NTRK3: variants seen among roughly 807,000 people sequenced by gnomAD.
The protein encoded by NTRK3 is NT-3 growth factor receptor.
A neutral mutation model predicts 91.7 loss-of-function variants in NTRK3; 24 were observed. The ratio of observed to expected loss-of-function variants is 0.26; its 90% CI spans 0.19 to 0.37. NTRK3 has a LOEUF of 0.37. Among genes scored for constraint, NTRK3 ranks in the 10% least tolerant of loss-of-function variants. The probability of loss-of-function intolerance (pLI) is 1.00; values close to 1 mark genes in which losing one functional copy is unlikely to be tolerated. For missense variants in NTRK3, 880 were observed against 1,068.9 expected, an observed-to-expected ratio of 0.82 and a Z score of 2.46; for synonymous variants, 483 against 404.0, an observed-to-expected ratio of 1.20 and a Z score of -2.34.
chr15:87,975,980 C>T (rs913106990), intron 14 of NTRK3, among the ~76,000 whole-genome samples: 5 of 152,168 alleles, frequency 3.3e-5, no homozygotes, highest in Non-Finnish European at 7.4e-5. Flanking sequence ...GAGGCCAATG[C>T]TATCCCTTCC....
chr15:88,086,840 C>G (rs1389674051), intron 13 of NTRK3, among the ~76,000 whole-genome samples: 1 of 152,168 alleles, frequency 6.6e-6, no homozygotes, highest in Non-Finnish European at 1.5e-5. Context: ...TTTCTCTTCA[C>G]CTGGAAGTAT....
intron 15 of NTRK3, among the ~76,000 whole-genome samples, chr15:87,936,039 A>C (rs2069245666): frequency 6.6e-6 from 1 of 152,204 alleles, no homozygotes; most frequent in African/African-American, 2.4e-5. Flanking sequence ...CAGAGGTGAC[A>C]GGAGGAGAAT....
At chr15:88,217,757 T>C (rs1457579373) in intron 3 of NTRK3, among the ~76,000 whole-genome samples, 1 of 123,774 alleles carries the variant, frequency 8.1e-6, no homozygotes, top group East Asian at 2.6e-4. Flanking sequence ...ATGTGTTTTG[T>C]AGCACAATTT....
chr15:88,186,549 G>A (rs2046961408), intron 3 of NTRK3, among the ~76,000 whole-genome samples: 1 of 152,218 alleles, frequency 6.6e-6, no homozygotes, highest in Non-Finnish European at 1.5e-5. Flanking sequence ...AGTGTGGGTA[G>A]GAGTCAGGGC....
intron 13 of NTRK3, among the ~76,000 whole-genome samples, chr15:88,100,548 C>G (rs1424133251): frequency 6.6e-6 from 1 of 152,094 alleles, no homozygotes; most frequent in Non-Finnish European, 1.5e-5. Flanking sequence ...GACAGCAGTG[C>G]AGAGAACAAA....
chr15:88,245,825 G>A (rs1194977033), intron 3 of NTRK3, among the ~76,000 whole-genome samples: 1 of 152,236 alleles, frequency 6.6e-6, no homozygotes, highest in Non-Finnish European at 1.5e-5. Flanking sequence ...GGATGTAAGA[G>A]GCAGAGTCAT....
intron 17 of NTRK3, among the ~76,000 whole-genome samples, chr15:87,886,808 T>G (rs1016757323): frequency 6.8e-6 from 1 of 147,606 alleles, no homozygotes; most frequent in Non-Finnish European, 1.5e-5. Flanking sequence ...GTATCACACT[T>G]GAAAATTTAA....
intron 13 of NTRK3, among the ~76,000 whole-genome samples, chr15:88,110,466 G>A (rs1325105277): frequency 6.6e-6 from 1 of 152,158 alleles, no homozygotes; most frequent in Admixed American, 6.5e-5. Context: ...CTTCACCACA[G>A]TAGTAACAAA....
At chr15:87,861,052 C>G (rs2064511037) in exon 19 of NTRK3, 1 of 225,908 alleles carries the variant, frequency 4.4e-6, no homozygotes, top group South Asian at 1.8e-4. Flanking sequence ...GGCCTCAGAA[C>G]AGGTGTGCCC....
intron 3 of NTRK3, among the ~76,000 whole-genome samples, chr15:88,245,256 A>G (rs1349530328): frequency 5.3e-5 from 8 of 152,156 alleles, no homozygotes; most frequent in African/African-American, 1.9e-4. Flanking sequence ...TGGACTGCTC[A>G]CCAGCTTGGC....
intron 13 of NTRK3, among the ~76,000 whole-genome samples, chr15:88,043,124 G>A (rs1050690329): frequency 6.6e-6 from 1 of 152,202 alleles, no homozygotes; most frequent in Non-Finnish European, 1.5e-5. Flanking sequence ...GAAATTCATA[G>A]CACAGGAATG....
chr15:88,206,006 T>A (rs1403928498), intron 3 of NTRK3: 1 of 152,174 alleles, frequency 6.6e-6, no homozygotes, highest in Non-Finnish European at 1.5e-5. Flanking sequence ...TCTAATCCAT[T>A]CCCCACAGCA....
intron 14 of NTRK3, among the ~76,000 whole-genome samples, chr15:87,990,818 G>A (rs1003466514): frequency 6.6e-6 from 1 of 152,106 alleles, no homozygotes; most frequent in Non-Finnish European, 1.5e-5. Flanking sequence ...CACACTCTCA[G>A]TCTCTTACCT....
intron 3 of NTRK3, among the ~76,000 whole-genome samples, chr15:88,226,222 C>T (rs531766739): frequency 5.6e-4 from 85 of 152,278 alleles, no homozygotes; most frequent in Non-Finnish European, 1.1e-3. Context: ...CAGCACCTGC[C>T]GGTTGCCCCC....
chr15:88,232,973 G>C (rs1409854217), intron 3 of NTRK3, among the ~76,000 whole-genome samples: 1 of 152,118 alleles, frequency 6.6e-6, no homozygotes, highest in Non-Finnish European at 1.5e-5. Context: ...AGGGCTGAGG[G>C]GGCACCTCCA....
rs1469262891 is a variant in NTRK3, at chr15:88,085,160, C to T, written c.1396+41111G>A. 6.6e-5 allele frequency among the ~76,000 whole-genome samples: 10 copies of T among 152,196 alleles called. No homozygotes were observed. In the South Asian group the frequency reaches 1.7e-3, roughly 25 times the overall value. ...AATCCCTGACCCACCTTTCTTCCTA[C>T]GTTGAGAAACAGGCTGAAGTCAATA... On this transcript the variant is annotated intron_variant, in intron 13 of 18. Coordinates refer to ENST00000394480, the Ensembl canonical transcript of NTRK3.
chr15:88,169,120 G>T (rs536088907), intron 5 of NTRK3, among the ~76,000 whole-genome samples: 6 of 152,204 alleles, frequency 3.9e-5, no homozygotes, highest in Non-Finnish European at 7.3e-5. Context: ...CATGCAGGGA[G>T]ATGCTGGAAC....
chr15:88,203,593 G>A (rs767648061), intron 3 of NTRK3, among the ~76,000 whole-genome samples: 3 of 152,204 alleles, frequency 2.0e-5, no homozygotes, highest in Non-Finnish European at 2.9e-5. Flanking sequence ...TGGATATACA[G>A]TTAGATGGAA....
At chr15:88,204,929 T>C (rs1484767997) in intron 3 of NTRK3, among the ~76,000 whole-genome samples, 4 of 152,090 alleles carry the variant, frequency 2.6e-5, no homozygotes, top group Admixed American at 6.5e-5. Context: ...TCAAACCACT[T>C]TGACAGGAGG....
Sources: allele counts gnomAD v4.1 joint callset (sites outside exome capture counted in the v4.1 genomes callset), GRCh38; gene constraint gnomAD v4.1.1; transcripts MANE v1.5; gene names NCBI Gene and HGNC (gene_info 2026-07-23, HGNC 2026-07-21).